The following FMR1 variants were observed in gnomAD, a reference collection of about 807,000 sequenced individuals.
FMR1 encodes the protein FMRP translational regulator 1.
In FMR1, 13 loss-of-function variants were observed where a neutral mutation model predicts 50.6. The observed-to-expected ratio is 0.26, with a 90% confidence interval of 0.17 to 0.41. The LOEUF (loss-of-function observed/expected upper bound fraction) is 0.41. Ranked by LOEUF, FMR1 falls within the 10% of genes least tolerant of loss-of-function variation. The pLI, the probability that FMR1 is intolerant of heterozygous loss-of-function variation, is 1.00. For missense variants in FMR1, 316 were observed against 491.3 expected, an observed-to-expected ratio of 0.64 and a Z score of 3.37; for synonymous variants, 138 against 164.1, an observed-to-expected ratio of 0.84 and a Z score of 1.22.
chrX:147,937,460 A>G lies in FMR1; in HGVS notation c.991-6A>G. ...TTCTCTTTTGTGTTTTCTGTTTTTT[A>G]CCAAGGAAATTATGCCACCAAATTC... is the stretch of plus-strand genomic sequence containing the variant. On this transcript the variant is annotated splice_region_variant and splice_polypyrimidine_tract_variant and intron_variant, in intron 10 of 16. Coordinates refer to ENST00000370475, the MANE Select transcript of FMR1 (RefSeq NM_002024.6). 1 of 1,179,805 alleles carries G rather than the reference A, an allele frequency of 8.5e-7. No homozygotes were observed. The highest frequency in any genetic ancestry group is 1.2e-6 in the Non-Finnish European group (1 of 866,802).
At chrX:147,945,220 T>C (rs782813665) in intron 15 of FMR1, among the ~76,000 whole-genome samples, 169 bp downstream of exon 15, 11 of 111,616 alleles carry the variant, frequency 9.9e-5, no homozygotes, top group Non-Finnish European at 1.9e-4. Flanking sequence ...GAAAGAATAT[T>C]AGGCAGCCTT....
chrX:147,917,099 A>G (rs1557175386), intron 1 of FMR1, among the ~76,000 whole-genome samples: 2 of 111,760 alleles, frequency 1.8e-5, no homozygotes, highest in African/African-American at 6.5e-5. Context: ...ATAGCACTAC[A>G]TGTTCTGTCT....
At chrX:147,919,934 C>T (rs1383571434) in intron 1 of FMR1, among the ~76,000 whole-genome samples, 4 of 112,229 alleles carry the variant, frequency 3.6e-5, no homozygotes, top group Non-Finnish European at 3.8e-5. Flanking sequence ...TATTTGTTTA[C>T]AAAGACATCT....
chrX:147,932,461 T>A lies in FMR1; in HGVS notation c.667T>A (p.Phe223Ile). The change falls in exon 8 of 17, where the codon TTT becomes ATT. Residue 223 changes from phenylalanine (F) to isoleucine (I), a missense_variant. Around this residue, in one of 4 missense-constraint regions of FMR1, gnomAD observed 124 missense variants for 238.1 expected, o/e 0.52. Transcript: ENST00000370475. Reference sequence around the variant, plus strand: ...GCTTGCCTCGAGATTTCATGAACAGTTTATCGTAAGAGAAGATCTGATGGG... The same window carrying A: ...GCTTGCCTCGAGATTTCATGAACAGATTATCGTAAGAGAAGATCTGATGGG... ...RQLASRFHEQ[F>I]IVREDLMGLA... 8.3e-7 allele frequency: 1 copy of A among 1,210,800 alleles called. No homozygotes were observed. The highest frequency in any genetic ancestry group is 3.0e-5 in the East Asian group (1 of 33,813).
chrX:147,933,641 A>G, intron 9 of FMR1: 1 of 839,349 alleles, frequency 1.2e-6, no homozygotes, highest in South Asian at 6.5e-5. Flanking sequence ...TTTATCAAGA[A>G]AGCTACATAT....
intron 2 of FMR1, among the ~76,000 whole-genome samples, chrX:147,923,003 C>G (rs2043238433): frequency 9.0e-6 from 1 of 111,653 alleles, no homozygotes; most frequent in South Asian, 3.7e-4. Context: ...TGGATTATGT[C>G]TGCTAAAATG....
intron 13 of FMR1, among the ~76,000 whole-genome samples, chrX:147,942,490 G>T (rs1557181113): frequency 8.9e-6 from 1 of 112,282 alleles, no homozygotes; most frequent in East Asian, 2.8e-4. Context: ...TCTTTAGGAA[G>T]TTTTCAAGGC....
chrX:147,939,143 G>C (rs951704961), intron 12 of FMR1, among the ~76,000 whole-genome samples: 10 of 112,118 alleles, frequency 8.9e-5, no homozygotes, highest in South Asian at 3.7e-4. Flanking sequence ...AAAGGCTTTT[G>C]TAACAAATAA....
chrX:147,942,700 T>G (rs1557181148), intron 13 of FMR1, among the ~76,000 whole-genome samples: 1 of 112,629 alleles, frequency 8.9e-6, no homozygotes, highest in Non-Finnish European at 1.9e-5. Context: ...TCAAGATTAT[T>G]TACAATGTGT....
At chrX:147,920,380 G>C (rs1040422940) in intron 1 of FMR1, among the ~76,000 whole-genome samples, 3 of 111,465 alleles carry the variant, frequency 2.7e-5, no homozygotes, top group African/African-American at 9.8e-5. Flanking sequence ...CTGCTGCCCC[G>C]TAGGCTTAGT....
chrX:147,945,103 A>G, intron 15 of FMR1, 52 bp downstream of exon 15: 1 of 1,162,690 alleles, frequency 8.6e-7, no homozygotes, highest in South Asian at 1.9e-5. Flanking sequence ...GCTGTCTTGA[A>G]GTTCCATGAG....
At chrX:147,941,980 T>G (rs2124561484) in intron 13 of FMR1, among the ~76,000 whole-genome samples, 1 of 112,822 alleles carries the variant, frequency 8.9e-6, no homozygotes, top group South Asian at 3.6e-4. Context: ...TTTTGCAAGA[T>G]ATTCCTATTC....
chrX:147,913,774 T>A (rs1190479428), intron 1 of FMR1: 1 of 112,310 alleles, frequency 8.9e-6, no homozygotes, highest in Non-Finnish European at 1.9e-5. Flanking sequence ...TTTAATTTCA[T>A]TGATTTTATT....
At chrX:147,917,055 A>C (rs2042906024) in intron 1 of FMR1, among the ~76,000 whole-genome samples, 1 of 112,318 alleles carries the variant, frequency 8.9e-6, no homozygotes, top group African/African-American at 3.2e-5. Flanking sequence ...GGGATATTTT[A>C]CAATGCTGTA....
chrX:147,933,284 A>G, intron 9 of FMR1: 1 of 357,614 alleles, frequency 2.8e-6, no homozygotes, highest in Non-Finnish European at 4.7e-6. Flanking sequence ...TTATATCTTA[A>G]AATTAAATAA....
chrX:147,943,360 C>A (rs911892835), intron 14 of FMR1, 34 bp downstream of exon 14: 3 of 1,098,706 alleles, frequency 2.7e-6, no homozygotes, highest in Admixed American at 4.4e-5. Flanking sequence ...GTAACTTTAT[C>A]TGTTCCTAGA....
At chrX:147,918,554 G>GTTTTTTTTTTTT (rs2042989205) in intron 1 of FMR1, among the ~76,000 whole-genome samples, 1 of 18,747 alleles carries the variant, frequency 5.3e-5, no homozygotes, top group Non-Finnish European at 8.4e-5. Flanking sequence ...GCCTGCAAAA[G>GTTTTTTTTTTTT]CTTTTTTTTT....
intron 13 of FMR1, 140 bp downstream of exon 13, chrX:147,940,802 G>A: frequency 6.7e-6 from 3 of 448,716 alleles, no homozygotes; most frequent in East Asian, 3.9e-5. Context: ...GAGAAAATAC[G>A]TTGTTTGGCT....
intron 1 of FMR1, among the ~76,000 whole-genome samples, chrX:147,916,833 G>A (rs2042894175): frequency 9.0e-6 from 1 of 111,472 alleles, no homozygotes. Context: ...CACCTCTCGG[G>A]TTCAAGCCAG....
Sources: allele counts gnomAD v4.1 joint callset (sites outside exome capture counted in the v4.1 genomes callset), GRCh38; gene constraint gnomAD v4.1.1; regional missense constraint gnomAD v4.1.1; transcripts MANE v1.5; gene names NCBI Gene and HGNC (gene_info 2026-07-23, HGNC 2026-07-21).